The following CTNNA3 variants were observed in gnomAD, a reference collection of about 807,000 sequenced individuals.
CTNNA3 encodes catenin alpha 3, also known as catenin alpha-3.
Under a neutral mutation model 95.7 loss-of-function variants are expected in CTNNA3, and 76 were observed. The ratio of observed to expected loss-of-function variants is 0.79; its 90% CI spans 0.66 to 0.96. The LOEUF (loss-of-function observed/expected upper bound fraction) is 0.96. Ranked by LOEUF, CTNNA3 falls within the 40% of genes least tolerant of loss-of-function variation. CTNNA3 has a pLI of 0.00. For missense variants in CTNNA3, 1,191 were observed against 1,089.8 expected (o/e 1.09, Z -1.31); for synonymous variants, 431 against 374.4 (o/e 1.15, Z -1.74).
At chr10:67,321,356 T>A (rs890356294) in intron 5 of CTNNA3, among the ~76,000 whole-genome samples, 3 of 152,208 alleles carry the variant, frequency 2.0e-5, no homozygotes, top group Non-Finnish European at 4.4e-5. Flanking sequence ...AAGGAGCCTC[T>A]GGAATTCCCA....
chr10:66,565,480 G>C (rs78304352), intron 10 of CTNNA3, among the ~76,000 whole-genome samples: 1 of 152,066 alleles, frequency 6.6e-6, no homozygotes, highest in Admixed American at 6.6e-5. Context: ...TACGTGAGAC[G>C]GATCTTAATT....
In CTNNA3 at chr10:66,709,489, G is replaced by A. The variant is rs560549552; in HGVS notation, c.1281+56775C>T. Among the ~76,000 whole-genome samples the A allele has an allele frequency of 2.6e-5, 4 of 150,972 alleles. No individual in the cohort carries two copies. In the Admixed American group the frequency reaches 2.7e-4, roughly 10 times the overall value. On this transcript the variant is annotated intron_variant, in intron 9 of 17. Transcript: ENST00000433211. ...CCCATAAATTAGAGAGCTGCCAAAT[G>A]GCTAAGGTTTAGTTTTTGCCATTCT... is the stretch of plus-strand genomic sequence containing the variant.
At chr10:67,168,782 G>A (rs1160505550) in intron 7 of CTNNA3, among the ~76,000 whole-genome samples, 1 of 152,144 alleles carries the variant, frequency 6.6e-6, no homozygotes, top group African/African-American at 2.4e-5. Context: ...CTAAGCCAAA[G>A]CAATCACGCA....
At chr10:66,446,831 C>T (rs1420557534) in intron 11 of CTNNA3, among the ~76,000 whole-genome samples, 1 of 151,986 alleles carries the variant, frequency 6.6e-6, no homozygotes, top group Non-Finnish European at 1.5e-5. Context: ...CCAGGGCAAT[C>T]AGGCAGCAGA....
At position 66,062,289 on chromosome 10, in the gene CTNNA3, C is replaced by T. The variant is rs1239252047; in HGVS notation, c.2159+7019G>A. Among the ~76,000 whole-genome samples the T allele has an allele frequency of 2.0e-5, 3 of 151,988 alleles. No individual in the cohort carries two copies. The South Asian group carries it at 6.2e-4, about 32-fold the overall frequency. On this transcript the variant is annotated intron_variant, in intron 15 of 17. Coordinates refer to ENST00000433211, the MANE Select transcript of CTNNA3 (RefSeq NM_013266.4). ...CACTTCAGAAGATATAAAGCATGAG[C>T]TATTTTTTCTTTTATTATTTTTAAA...
intron 11 of CTNNA3, among the ~76,000 whole-genome samples, chr10:66,389,843 A>G (rs1315992623): frequency 6.6e-6 from 1 of 151,942 alleles, no homozygotes; most frequent in Admixed American, 6.6e-5. Flanking sequence ...GGCCCAAGTG[A>G]TCATTCCACC....
chr10:66,225,328 C>A (rs2089219981), intron 13 of CTNNA3, among the ~76,000 whole-genome samples: 2 of 149,182 alleles, frequency 1.3e-5, no homozygotes, highest in East Asian at 2.0e-4. Context: ...TTTTGCATAA[C>A]ATAATCCCCT....
At chr10:66,272,838 T>TA (rs1285877879) in intron 13 of CTNNA3, among the ~76,000 whole-genome samples, 2 of 152,204 alleles carry the variant, frequency 1.3e-5, no homozygotes, top group Non-Finnish European at 2.9e-5. Context: ...GGTTATGTTC[T>TA]AATACCTCCA....
At chr10:66,463,772 G>A (rs759375974) in intron 11 of CTNNA3, among the ~76,000 whole-genome samples, 10 of 151,978 alleles carry the variant, frequency 6.6e-5, no homozygotes, top group East Asian at 5.8e-4. Context: ...CTGCAGCCTC[G>A]TCAAAAATAG....
At chr10:66,849,851 C>T (rs547756019) in intron 7 of CTNNA3, among the ~76,000 whole-genome samples, 9 of 152,250 alleles carry the variant, frequency 5.9e-5, no homozygotes, top group Admixed American at 2.0e-4. Flanking sequence ...CCCTAGGAAA[C>T]TAATATGACT....
chr10:66,690,413 G>A (rs533792355), intron 9 of CTNNA3, among the ~76,000 whole-genome samples: 15 of 151,632 alleles, frequency 9.9e-5, no homozygotes, highest in Non-Finnish European at 1.6e-4. Context: ...CCATGCTGGT[G>A]TGCTGCACCC....
At chr10:67,506,555 G>A (rs943299014) in intron 5 of CTNNA3, among the ~76,000 whole-genome samples, 1 of 152,214 alleles carries the variant, frequency 6.6e-6, no homozygotes, top group Non-Finnish European at 1.5e-5. Flanking sequence ...ACTGGTGTGT[G>A]CCTGTTTAAA....
chr10:66,651,461 C>G (rs543318950), intron 9 of CTNNA3, among the ~76,000 whole-genome samples: 9 of 152,012 alleles, frequency 5.9e-5, no homozygotes, highest in Non-Finnish European at 1.0e-4. Flanking sequence ...CACCAAGTGC[C>G]GCACTCCTCA....
intron 8 of CTNNA3, among the ~76,000 whole-genome samples, chr10:66,773,447 T>C (rs1161073663): frequency 6.6e-6 from 1 of 152,156 alleles, no homozygotes; most frequent in African/African-American, 2.4e-5. Flanking sequence ...TGCTAGAGAT[T>C]GAAGCCACAT....
At chr10:66,828,461 A>G (rs1289533178) in intron 7 of CTNNA3, among the ~76,000 whole-genome samples, 1 of 152,132 alleles carries the variant, frequency 6.6e-6, no homozygotes, top group Non-Finnish European at 1.5e-5. Context: ...GTACGTGGCA[A>G]TTTCCCTTAA....
rs1564778448 is a variant in CTNNA3 at position 67,606,972 on chromosome 10, T to C, written c.177A>G (p.Leu59=). 2 of 1,613,838 alleles carry C rather than the reference T, an allele frequency of 1.2e-6. No homozygotes were observed. Among genetic ancestry groups the C allele is most frequent in the Admixed American group, 1.7e-5 (1 of 60,030 alleles). The change falls in exon 3 of 18, where the codon CTA becomes CTG. Residue 59 remains leucine (L), a synonymous_variant. Coordinates refer to ENST00000433211, the MANE Select transcript of CTNNA3 (RefSeq NM_013266.4). ...TCCAAGTTGCTTCCTCCACAGAAGC[T>C]AGAAGGACACTGGCTCTTTTCGAAC... ...KGRSKRASVL[L]ASVEEATWNL... is the part of the protein sequence containing the mutation.
At chr10:66,631,267 T>C (rs764901319) in intron 9 of CTNNA3, among the ~76,000 whole-genome samples, 26 of 152,176 alleles carry the variant, frequency 1.7e-4, no homozygotes, top group Non-Finnish European at 3.2e-4. Context: ...TCCATTTCAA[T>C]AATTTTGTTT....
chr10:66,316,776 A>G (rs1410904875), intron 12 of CTNNA3, among the ~76,000 whole-genome samples: 1 of 152,158 alleles, frequency 6.6e-6, no homozygotes, highest in African/African-American at 2.4e-5. Flanking sequence ...AGGACCTGCT[A>G]TATTTAACTT....
intron 7 of CTNNA3, among the ~76,000 whole-genome samples, chr10:67,116,970 A>T (rs1859221389): frequency 6.6e-6 from 1 of 151,762 alleles, no homozygotes; most frequent in Admixed American, 6.6e-5. Context: ...TTAGAGATTT[A>T]AAAAATAAAT....
Sources: gnomAD v4.1 joint callset for allele counts (sites outside exome capture counted in the v4.1 genomes callset) on GRCh38, gnomAD v4.1.1 for gene constraint, MANE v1.5 for transcripts, NCBI Gene and HGNC (gene_info 2026-07-23, HGNC 2026-07-21) for gene names.